The following DTD1 variants were observed in gnomAD, a reference collection of about 807,000 sequenced individuals.
The protein encoded by DTD1 is D-aminoacyl-tRNA deacylase 1.
In DTD1, 13 loss-of-function variants were observed where a neutral mutation model predicts 25.6. The ratio of observed to expected loss-of-function variants is 0.51; its 90% CI spans 0.33 to 0.81. DTD1 has a LOEUF of 0.81. DTD1 is among the 30% of genes least tolerant of loss of function. DTD1 has a pLI of 0.02. For missense variants in DTD1, 193 were observed against 266.4 expected (o/e 0.72, Z 1.92); for synonymous variants, 110 against 103.6 (o/e 1.06, Z -0.37).
rs573584020 is a variant in DTD1 at position 18,599,214 on chromosome 20, G to A, written c.370+2973G>A. On this transcript the variant is annotated intron_variant, in intron 3 of 5. Transcript: ENST00000377452. ...TTTTGAGATGGAGTTTTGCTCTGTT[G>A]CCCAGGCTGGAGTGCAGTGGTGTGA... 5.9e-5 allele frequency among the ~76,000 whole-genome samples: 9 copies of A among 152,142 alleles called. No individual in the cohort carries two copies. In the South Asian group the frequency reaches 1.9e-3, roughly 32 times the overall value.
At chr20:18,650,545 C>A (rs775498322) in intron 4 of DTD1, among the ~76,000 whole-genome samples, 2 of 152,240 alleles carry the variant, frequency 1.3e-5, no homozygotes, top group Non-Finnish European at 2.9e-5. Context: ...CCCCATGCTG[C>A]TCCACTTCTG....
At chr20:18,675,809 T>C in intron 4 of DTD1, among the ~76,000 whole-genome samples, 1 of 151,310 alleles carries the variant, frequency 6.6e-6, no homozygotes, top group Admixed American at 6.6e-5. Flanking sequence ...TATGTGTATA[T>C]TTACACACAT....
At chr20:18,629,156 C>G (rs1029497578) in intron 4 of DTD1, among the ~76,000 whole-genome samples, 1 of 151,622 alleles carries the variant, frequency 6.6e-6, no homozygotes, top group Admixed American at 6.6e-5. Flanking sequence ...ACCACCATAC[C>G]CTGCTAATTT....
At chr20:18,759,615 G>A (rs1353980379) in intron 5 of DTD1, among the ~76,000 whole-genome samples, 1 of 152,226 alleles carries the variant, frequency 6.6e-6, no homozygotes, top group African/African-American at 2.4e-5. Context: ...CTGTTAGTCT[G>A]ATGGGCTTCC....
chr20:18,736,183 T>A (rs753989937), intron 4 of DTD1, among the ~76,000 whole-genome samples: 34 of 152,132 alleles, frequency 2.2e-4, no homozygotes, highest in Non-Finnish European at 4.7e-4. Flanking sequence ...ACTTGGGTGT[T>A]CCTGAGAGAG....
At position 18,686,158 on chromosome 20, in the gene DTD1, C is replaced by T. The variant is rs116707488; in HGVS notation, c.477+57925C>T. Among the ~76,000 whole-genome samples, 882 of 152,338 alleles carry T rather than the reference C, an allele frequency of 5.8e-3. 5 individuals carry two copies. Among genetic ancestry groups the T allele is most frequent in the African/African-American group, 0.021 (853 of 41,578 alleles). On this transcript the variant is annotated intron_variant, in intron 4 of 5. Transcript: ENST00000377452. ...AATGACATATGATGTATTTCTCCTA[C>T]GTTGAGATATAGAATATCCACCATA...
chr20:18,631,343 A>G (rs6081261), intron 4 of DTD1: 363,312 of 985,180 alleles, frequency 0.37, 68,641 homozygotes, highest in East Asian at 0.42. Context: ...CCCTCTGAAG[A>G]TGGGGCCTGT....
chr20:18,676,786 T>TA (rs1262265758), intron 4 of DTD1, among the ~76,000 whole-genome samples: 2 of 152,202 alleles, frequency 1.3e-5, no homozygotes, highest in Non-Finnish European at 2.9e-5. Context: ...CTGGTTAACT[T>TA]ACGGCTCAGT....
At chr20:18,723,805 T>C (rs1405744735) in intron 4 of DTD1, among the ~76,000 whole-genome samples, 1 of 152,246 alleles carries the variant, frequency 6.6e-6, no homozygotes, top group Non-Finnish European at 1.5e-5. Flanking sequence ...CAGATATTTT[T>C]GCTACAGGTA....
chr20:18,594,333 C>T (rs976316218), intron 2 of DTD1, among the ~76,000 whole-genome samples: 19 of 151,970 alleles, frequency 1.3e-4, no homozygotes, highest in African/African-American at 4.6e-4. Flanking sequence ...AAGGTGGTGG[C>T]GGGGGTTGAG....
At chr20:18,632,377 C>T in intron 4 of DTD1, 1 of 985,468 alleles carries the variant, frequency 1.0e-6, no homozygotes, top group South Asian at 4.7e-5. Flanking sequence ...CGCTCTGCCC[C>T]TAGCTCTCCA....
At chr20:18,654,416 C>T (rs1345251472) in intron 4 of DTD1, among the ~76,000 whole-genome samples, 1 of 152,188 alleles carries the variant, frequency 6.6e-6, no homozygotes, top group Admixed American at 6.5e-5. Context: ...AAGAAATTAC[C>T]TGGTCTTGAG....
Position 18,628,157 on chromosome 20 carries a change from A to C in DTD1, c.401A>C (p.His134Pro). ...AAGTTTGGGGCCTACATGCAGGTGC[A>C]CATTCAGAATGATGGGCCTGTGACC... ...DGKFGAYMQV[H>P]IQNDGPVTIE... Residue 134 changes from histidine to proline, a missense_variant, in exon 4 of 6, where the codon CAC (histidine) becomes CCC (proline). His to Pro is a moderately conservative substitution (Grantham distance 77). Transcript: ENST00000377452. 6.2e-7 allele frequency: 1 copy of C among 1,613,842 alleles called. No individual in the cohort carries two copies. The highest frequency in any genetic ancestry group is 8.5e-7 in the Non-Finnish European group (1 of 1,179,832).
intron 3 of DTD1, among the ~76,000 whole-genome samples, chr20:18,600,726 T>G (rs1007902426): frequency 2.0e-5 from 3 of 152,244 alleles, no homozygotes; most frequent in Admixed American, 6.5e-5. Context: ...AATCTCCCTG[T>G]CTATGAACAT....
At chr20:18,707,891 C>T (rs1200386256) in intron 4 of DTD1, among the ~76,000 whole-genome samples, 1 of 151,846 alleles carries the variant, frequency 6.6e-6, no homozygotes, top group Non-Finnish European at 1.5e-5. Flanking sequence ...ACAGGCCTCC[C>T]AGGATCAAGG....
chr20:18,601,144 T>C (rs1489305111), intron 3 of DTD1, among the ~76,000 whole-genome samples: 2 of 152,214 alleles, frequency 1.3e-5, no homozygotes, highest in African/African-American at 4.8e-5. Context: ...AGCTTCTAGT[T>C]TCCCACTGTT....
intron 4 of DTD1, among the ~76,000 whole-genome samples, chr20:18,725,657 C>T (rs769370101): frequency 3.3e-5 from 5 of 152,138 alleles, no homozygotes; most frequent in Admixed American, 1.3e-4. Context: ...TTGAACTCTC[C>T]GAGGTGTTCC....
chr20:18,738,406 G>T (rs997561198), intron 4 of DTD1, among the ~76,000 whole-genome samples: 1 of 152,238 alleles, frequency 6.6e-6, no homozygotes, highest in African/African-American at 2.4e-5. Flanking sequence ...TAACGTGAGG[G>T]TGGCTTAAAC....
chr20:18,715,213 A>G (rs533643121), intron 4 of DTD1, among the ~76,000 whole-genome samples: 1 of 152,256 alleles, frequency 6.6e-6, no homozygotes, highest in East Asian at 1.9e-4. Context: ...CAGGGTCAGA[A>G]CACAGCAAGC....
Sources: allele counts gnomAD v4.1 joint callset (sites outside exome capture counted in the v4.1 genomes callset), GRCh38; gene constraint gnomAD v4.1.1; transcripts MANE v1.5; gene names NCBI Gene and HGNC (gene_info 2026-07-23, HGNC 2026-07-21).